MIA2: variants seen among roughly 807,000 people sequenced by gnomAD.
The protein encoded by MIA2 is MIA SH3 domain ER export factor 2, also known as melanoma inhibitory activity protein 2.
MIA2 carries 127 observed loss-of-function variants against 167.8 expected under a neutral mutation model. That is an observed-to-expected ratio of 0.76 (90% CI 0.66 to 0.88). MIA2 has a LOEUF of 0.88. Among genes scored for constraint, MIA2 ranks in the 40% least tolerant of loss-of-function variants. The pLI is 0.00. For synonymous variants in MIA2, 552 were observed against 541.9 expected (o/e 1.02, Z -0.26); for missense variants, 1,690 against 1,624.7 (o/e 1.04, Z -0.69).
At chr14:39,369,412 T>C (rs947818265) in intron 23 of MIA2, among the ~76,000 whole-genome samples, 1 of 152,238 alleles carries the variant, frequency 6.6e-6, no homozygotes, top group Non-Finnish European at 1.5e-5. Flanking sequence ...CAATTAGGTA[T>C]TCTATATACA....
intron 6 of MIA2, chr14:39,253,568 A>G: frequency 5.1e-6 from 1 of 197,734 alleles, no homozygotes; most frequent in East Asian, 1.6e-4. Context: ...TGTAACAAGG[A>G]GAATAAAAGG....
chr14:39,261,603 C>A (rs568525770), intron 6 of MIA2, among the ~76,000 whole-genome samples: 44 of 152,284 alleles, frequency 2.9e-4, no homozygotes, highest in Non-Finnish European at 5.6e-4. Context: ...TACAGTCCCA[C>A]CAACAGTGTA....
At chr14:39,294,209 T>G in intron 12 of MIA2, 138 bp downstream of exon 12, 1 of 562,120 alleles carries the variant, frequency 1.8e-6, no homozygotes, top group Non-Finnish European at 3.1e-6. Flanking sequence ...TTTTTAACAA[T>G]ACCTAAATGA....
chr14:39,253,607 G>C (rs2054672959), intron 6 of MIA2: 1 of 162,616 alleles, frequency 6.1e-6, no homozygotes. Context: ...TTTGAGACCA[G>C]TCTGGGCAAC....
intron 9 of MIA2, among the ~76,000 whole-genome samples, chr14:39,288,913 T>G (rs776618038): frequency 7.2e-5 from 11 of 152,098 alleles, no homozygotes; most frequent in Non-Finnish European, 1.2e-4. Flanking sequence ...CCTGTAGGTT[T>G]GTTTGTTTGT....
chr14:39,296,548 T>C (rs1189308193), intron 13 of MIA2, among the ~76,000 whole-genome samples: 2 of 151,558 alleles, frequency 1.3e-5, no homozygotes, highest in African/African-American at 2.4e-5. Context: ...CCCAAAGTGC[T>C]AGGATTACAG....
chr14:39,290,377 A>G (rs1396461696), intron 9 of MIA2, among the ~76,000 whole-genome samples: 7 of 152,148 alleles, frequency 4.6e-5, no homozygotes, highest in Non-Finnish European at 1.0e-4. Context: ...CTTGCCAGAA[A>G]GGTGGATCCA....
At chr14:39,273,181 G>A (rs2057428023) in intron 6 of MIA2, among the ~76,000 whole-genome samples, 1 of 147,870 alleles carries the variant, frequency 6.8e-6, no homozygotes, top group African/African-American at 2.5e-5. Flanking sequence ...CCATTACAAT[G>A]TTGAATACAT....
chr14:39,355,155 C>T (rs1161779767), downstream of MIA2, among the ~76,000 whole-genome samples: 2 of 150,470 alleles, frequency 1.3e-5, no homozygotes, highest in Non-Finnish European at 1.5e-5. Context: ...GGCAGTATGG[C>T]CATTTTCACG....
chr14:39,385,594 A>T, intron 23 of MIA2: 1 of 809,492 alleles, frequency 1.2e-6, no homozygotes, highest in South Asian at 1.3e-5. Context: ...AACAATTTCT[A>T]TATCTACTTG....
Position 39,314,805 on chromosome 14 carries a change from TA to T in MIA2, c.3180+7del. The T allele has an allele frequency of 7.0e-7, 1 of 1,425,696 alleles. No individual in the cohort carries two copies. The highest frequency in any genetic ancestry group is 9.5e-7 in the Non-Finnish European group (1 of 1,055,244). The allele number at this position is 1,425,696 out of a possible 1,614,324, so 88.3% of individuals were successfully genotyped here. ...TTCATTCTTATCAAGGGCAGGTATA[TA>T]TATATGTGTGTGTGTGTGTGTGTGT... On this transcript the variant is annotated splice_region_variant and intron_variant, in intron 20 of 28. Transcript: ENST00000640607.
At chr14:39,294,501 A>ATTT (rs57357871) in intron 12 of MIA2, among the ~76,000 whole-genome samples, 333 of 144,266 alleles carry the variant, frequency 2.3e-3, no homozygotes, top group African/African-American at 7.9e-3. Context: ...CCCAGCTTGT[A>ATTT]TTTTTTTTTT....
intron 14 of MIA2, among the ~76,000 whole-genome samples, chr14:39,300,864 A>G (rs974963543): frequency 4.3e-4 from 66 of 152,164 alleles, no homozygotes; most frequent in African/African-American, 1.5e-3. Flanking sequence ...TTATGTTGCT[A>G]CTAAGAATAT....
At chr14:39,376,811 A>G (rs904956672) in intron 23 of MIA2, among the ~76,000 whole-genome samples, 4 of 152,208 alleles carry the variant, frequency 2.6e-5, no homozygotes, top group Non-Finnish European at 5.9e-5. Flanking sequence ...CACAGGTTGC[A>G]AGATAAAACC....
chr14:39,282,036 A>G (rs912771638), intron 9 of MIA2, among the ~76,000 whole-genome samples: 3 of 152,046 alleles, frequency 2.0e-5, no homozygotes, highest in Admixed American at 6.6e-5. Context: ...CCAGTAGTCT[A>G]TTTCTGGTGC....
In MIA2 at chr14:39,247,937, C is replaced by T. The variant is rs1345424760; in HGVS notation, c.1363C>T (p.Pro455Ser). 4 of 1,598,064 alleles carry T rather than the reference C, an allele frequency of 2.5e-6. No homozygotes were observed. In the African/African-American group the frequency reaches 4.1e-5, roughly 16 times the overall value. Reference protein sequence around the residue: ...SEKTDESDTIPYLKKFLYNFD... With the variant: ...SEKTDESDTISYLKKFLYNFD... Reference sequence around the variant, plus strand: ...AAAAACAGACGAATCTGATACTATACCATATTTGAAAAAGTTCTTGTATAA... The same window carrying T: ...AAAAACAGACGAATCTGATACTATATCATATTTGAAAAAGTTCTTGTATAA... Residue 455 changes from proline to serine, a missense_variant, in exon 4 of 29, where the codon CCA (proline) becomes TCA (serine). Physicochemically the swap from Pro to Ser is moderately conservative, Grantham distance 74 (BLOSUM62 -1). Transcript: ENST00000640607.
At chr14:39,267,393 T>G (rs2056021829) in intron 6 of MIA2, 1 of 1,606,680 alleles carries the variant, frequency 6.2e-7, no homozygotes, top group Non-Finnish European at 8.5e-7. Context: ...CTGTGTGTTC[T>G]CCGCCGTTTA....
chr14:39,243,180 G>A (rs1182685243), intron 3 of MIA2, among the ~76,000 whole-genome samples: 1 of 151,724 alleles, frequency 6.6e-6, no homozygotes, highest in Non-Finnish European at 1.5e-5. Flanking sequence ...AGACAGAGAA[G>A]TCAAATTGTG....
At chr14:39,385,785 C>T (rs2075263710) in intron 23 of MIA2, 1 of 869,276 alleles carries the variant, frequency 1.2e-6, no homozygotes, top group African/African-American at 1.6e-5. Context: ...CATTTAATTG[C>T]TGTTGCCTCT....
Sources: allele counts gnomAD v4.1 joint callset (sites outside exome capture counted in the v4.1 genomes callset), GRCh38; gene constraint gnomAD v4.1.1; transcripts MANE v1.5; gene names NCBI Gene and HGNC (gene_info 2026-07-23, HGNC 2026-07-21).